Variants in ZNF805 observed in about 807,000 individuals in gnomAD.
The protein encoded by ZNF805 is CTC-444N24.8.
ZNF805 carries 7 observed loss-of-function variants against 13.6 expected under a neutral mutation model. The observed-to-expected ratio is 0.51, with a 90% confidence interval of 0.29 to 0.97. The LOEUF is 0.97. Among genes scored for constraint, ZNF805 ranks in the 50% least tolerant of loss-of-function variants. The pLI, the probability that ZNF805 is intolerant of heterozygous loss-of-function variation, is 0.08. For synonymous variants in ZNF805, 293 were observed against 279.8 expected, an observed-to-expected ratio of 1.05 and a Z score of -0.47; for missense variants, 604 against 771.0, an observed-to-expected ratio of 0.78 and a Z score of 2.57.
intron 3 of ZNF805, among the ~76,000 whole-genome samples, chr19:57,252,107 C>T (rs981321869): frequency 2.6e-5 from 4 of 152,226 alleles, no homozygotes; most frequent in African/African-American, 7.2e-5. Flanking sequence ...ATCACCACCA[C>T]CCTCTCATGC....
chr19:57,257,698 CTTTTTTTTTT>C lies in ZNF805; in HGVS notation c.*3011_*3020del, dbSNP rs869290620. Among the ~76,000 whole-genome samples, 48 of 35,104 alleles carry C rather than the reference CTTTTTTTTTT, an allele frequency of 1.4e-3. No individual in the cohort carries two copies. Among genetic ancestry groups the C allele is most frequent in the African/African-American group, 5.8e-3 (46 of 7,946 alleles). 23.0% of individuals were successfully genotyped at this position (35,104 alleles called of 152,430 possible). On this transcript the variant is annotated 3_prime_UTR_variant, in exon 4 of 4. Coordinates refer to ENST00000414468, the MANE Select transcript of ZNF805 (RefSeq NM_001023563.4). ...GTGGTTTTATATCCAGTTTGCGTAT[CTTTTTTTTTT>C]TTTTTTTTTTTTTTTGAGACGGAGT... is the stretch of plus-strand genomic sequence containing the variant.
At chr19:57,251,548 T>G (rs1219117146) in intron 3 of ZNF805, among the ~76,000 whole-genome samples, 1 of 152,218 alleles carries the variant, frequency 6.6e-6, no homozygotes, top group African/African-American at 2.4e-5. Flanking sequence ...TGCCGGTATA[T>G]TCTTCTAGTT....
chr19:57,243,212 T>C (rs1641792164), intron 1 of ZNF805, among the ~76,000 whole-genome samples: 1 of 152,138 alleles, frequency 6.6e-6, no homozygotes, highest in African/African-American at 2.4e-5. Context: ...TGAGACCCTG[T>C]CTCTGAAACA....
intron 1 of ZNF805, 34 bp downstream of exon 1, chr19:57,240,955 C>G: frequency 6.4e-7 from 1 of 1,554,934 alleles, no homozygotes; most frequent in Non-Finnish European, 8.7e-7. Flanking sequence ...TGCTGCTTTT[C>G]TGCTAGTTCG....
In ZNF805 at chr19:57,259,101, T is replaced by C. The variant is rs1372201743; in HGVS notation, c.*4398T>C. ...TCAAAGTGTTTTGTTTTTTTTGTAG[T>C]GTTCAGAAGTTTGGTTATGAGGTGT... is the stretch of plus-strand genomic sequence containing the variant. On this transcript the variant is annotated 3_prime_UTR_variant, in exon 4 of 4. Coordinates refer to ENST00000414468, the MANE Select transcript of ZNF805 (RefSeq NM_001023563.4). 6.6e-6 allele frequency among the ~76,000 whole-genome samples: 1 copy of C among 152,228 alleles called. No homozygotes were observed. The highest frequency in any genetic ancestry group is 2.4e-5 in the African/African-American group (1 of 41,460).
chr19:57,255,325 T>C lies in ZNF805; in HGVS notation c.*622T>C, dbSNP rs2087681428. 6.6e-6 allele frequency among the ~76,000 whole-genome samples: 1 copy of C among 152,160 alleles called. No homozygotes were observed. Among genetic ancestry groups the C allele is most frequent in the Non-Finnish European group, 1.5e-5 (1 of 67,998 alleles). ...TTTCTTTTTTCTTACTATTTTTATT[T>C]AAAATTCATTTAGCATTCCTAGTTT... On this transcript the variant is annotated 3_prime_UTR_variant, in exon 4 of 4. Transcript: ENST00000414468.
chr19:57,252,833 C>T lies in ZNF805; in HGVS notation c.254-240C>T, dbSNP rs144207151. Among the ~76,000 whole-genome samples the T allele has an allele frequency of 8.5e-5, 13 of 152,200 alleles. No individual in the cohort carries two copies. The South Asian group carries it at 1.7e-3, about 19-fold the overall frequency. On this transcript the variant is annotated intron_variant, in intron 3 of 3. Transcript: ENST00000414468. ...ATAAATATTTAGTCTGGAATTGAAGCGATATCTCCACTCTAGGCCCTGTCC... is the reference window on the plus strand; with the variant it reads ...ATAAATATTTAGTCTGGAATTGAAGTGATATCTCCACTCTAGGCCCTGTCC...
chr19:57,256,399 T>C lies in ZNF805; in HGVS notation c.*1696T>C, dbSNP rs2122847823. 6.6e-6 allele frequency among the ~76,000 whole-genome samples: 1 copy of C among 152,120 alleles called. No homozygotes were observed. The highest frequency in any genetic ancestry group is 2.4e-5 in the African/African-American group (1 of 41,526). ...TTTTTTTGGAAGATCATGTGTAGAA[T>C]TGGTGTTATTTGTTCCTTTAATGTT... is the stretch of plus-strand genomic sequence containing the variant. On this transcript the variant is annotated 3_prime_UTR_variant, in exon 4 of 4. Transcript: ENST00000414468.
At position 57,254,783 on chromosome 19, in the gene ZNF805, C is replaced by T. The variant is rs908498228; in HGVS notation, c.*80C>T. ...TCACGCAGCTTAGAGCCTTATTCTCCATCCGAATTCATCCTGGAAAAACAC... is the reference window on the plus strand; with the variant it reads ...TCACGCAGCTTAGAGCCTTATTCTCTATCCGAATTCATCCTGGAAAAACAC... On this transcript the variant is annotated 3_prime_UTR_variant, in exon 4 of 4. Coordinates refer to ENST00000414468, the MANE Select transcript of ZNF805 (RefSeq NM_001023563.4). 5.8e-6 allele frequency: 8 copies of T among 1,387,422 alleles called. No homozygotes were observed. In the Admixed American group the frequency reaches 1.0e-4, roughly 18 times the overall value. 85.9% of individuals were successfully genotyped at this position (1,387,422 alleles called of 1,614,324 possible).
Position 57,260,291 on chromosome 19 carries a change from C to G in ZNF805, c.*5588C>G, listed in dbSNP as rs953710640. On this transcript the variant is annotated 3_prime_UTR_variant, in exon 4 of 4. Transcript: ENST00000414468. The stretch of plus-strand genomic sequence containing the variant: ...ATAGCTTTAGTCGGATCTCAAGCCT[C>G]GTTTCCAACCTATTTCACCCTTCCT... Among the ~76,000 whole-genome samples the G allele has an allele frequency of 6.6e-6, 1 of 152,194 alleles. No homozygotes were observed. Among genetic ancestry groups the G allele is most frequent in the African/African-American group, 2.4e-5 (1 of 41,442 alleles).
At chr19:57,251,662 G>A (rs1349119121) in intron 3 of ZNF805, among the ~76,000 whole-genome samples, 1 of 151,360 alleles carries the variant, frequency 6.6e-6, no homozygotes, top group African/African-American at 2.4e-5. Context: ...TAATGATTTT[G>A]TACCTTGTGG....
At position 57,260,633 on chromosome 19, in the gene ZNF805, T is replaced by G. The variant is rs1181544396; in HGVS notation, c.*5930T>G. 6.6e-6 allele frequency among the ~76,000 whole-genome samples: 1 copy of G among 152,196 alleles called. No individual in the cohort carries two copies. Among genetic ancestry groups the G allele is most frequent in the Non-Finnish European group, 1.5e-5 (1 of 68,044 alleles). On this transcript the variant is annotated 3_prime_UTR_variant, in exon 4 of 4. Transcript: ENST00000414468. ...CTTTACTTCCCAGCATCCATCATGA[T>G]CATTGCTGTTTTCTAACTTGTCCTT...
chr19:57,254,361 C>T lies in ZNF805; in HGVS notation c.1542C>T (p.Ile514=), dbSNP rs773151548. The part of the protein sequence containing the change: ...IHSGEKPYEC[I]ECGKTFCWST... ...GTGGAGAGAAGCCCTATGAATGCAT[C>T]GAGTGTGGGAAAACATTTTGCTGGA... Residue 514 remains isoleucine, a synonymous_variant, in exon 4 of 4, where the codon ATC becomes ATT. Transcript: ENST00000414468. 20 of 1,613,752 alleles carry T rather than the reference C, an allele frequency of 1.2e-5. No individual in the cohort carries two copies. The highest frequency in any genetic ancestry group is 1.6e-4 in the Middle Eastern group (1 of 6,062).
In ZNF805 at chr19:57,254,196, G is replaced by T; in HGVS notation, c.1377G>T (p.Glu459Asp). 6.2e-7 allele frequency: 1 copy of T among 1,612,536 alleles called. No homozygotes were observed. The highest frequency in any genetic ancestry group is 8.5e-7 in the Non-Finnish European group (1 of 1,179,676). ...HTGEKPFECKECGKAFSNRAD... is the reference protein window; with the variant it reads ...HTGEKPFECKDCGKAFSNRAD... ...GAGAAAAACCTTTCGAGTGCAAAGA[G>T]TGTGGGAAAGCCTTTAGCAATAGGG... The change falls in exon 4 of 4, where the codon GAG (glutamate) becomes GAT (aspartate). Residue 459 changes from glutamate (E) to aspartate (D), a missense_variant. Transcript: ENST00000414468.
At position 57,261,377 on chromosome 19, in the gene ZNF805, G is replaced by T. The variant is rs1397287269; in HGVS notation, c.*6674G>T. The T allele has an allele frequency of 2.4e-5, 4 of 166,070 alleles. No homozygotes were observed. The highest frequency in any genetic ancestry group is 9.7e-5 in the African/African-American group (4 of 41,392). 10.3% of individuals were successfully genotyped at this position (166,070 alleles called of 1,614,324 possible). A position where few individuals can be genotyped will look rare whatever the true frequency, so the allele number is the denominator to read the frequency against. On this transcript the variant is annotated 3_prime_UTR_variant, in exon 4 of 4. Transcript: ENST00000414468. ...GGCTAAGGCATGCATGTTGTTTTAG[G>T]TGTGTTTGAGATGCCTGAAGAACAT...
chr19:57,253,073 G>T lies in ZNF805; in HGVS notation c.254G>T (p.Gly85Val). Residue 85 changes from glycine to valine, a missense_variant and splice_region_variant, in exon 4 of 4, where the codon GGT (glycine) becomes GTT (valine). This residue lies in a region of ZNF805 where 327 missense variants were observed against 378.2 expected (regional missense o/e 0.86). Coordinates refer to ENST00000414468, the MANE Select transcript of ZNF805 (RefSeq NM_001023563.4). The surrounding 1 kb of genome is among the most constrained non-coding windows in gnomAD (Gnocchi z 4.4). ...CTTCTGTGTGTTGGATTTCTTTCAG[G>T]TGACAAAGGAAAACCCAAGAGCACA... ...KEDLSQGTCP[G>V]DKGKPKSTEP... 7.0e-7 allele frequency: 1 copy of T among 1,433,158 alleles called. No individual in the cohort carries two copies. Among genetic ancestry groups the T allele is most frequent in the Non-Finnish European group, 9.2e-7 (1 of 1,090,962 alleles). 88.8% of individuals were successfully genotyped at this position (1,433,158 alleles called of 1,614,324 possible).
rs2087714020 is a variant in ZNF805 at position 57,259,969 on chromosome 19, A to C, written c.*5266A>C. ...TATCTGGAGGAGTAGAAGTCCTGTA[A>C]TCTTTTATATTGGGCTTCTTAAATA... is the stretch of plus-strand genomic sequence containing the variant. On this transcript the variant is annotated 3_prime_UTR_variant, in exon 4 of 4. Transcript: ENST00000414468. Among the ~76,000 whole-genome samples, 1 of 152,178 alleles carries C rather than the reference A, an allele frequency of 6.6e-6. No homozygotes were observed. Among genetic ancestry groups the C allele is most frequent in the African/African-American group, 2.4e-5 (1 of 41,440 alleles).
In ZNF805 at chr19:57,255,350, T is replaced by A. The variant is rs1178300494; in HGVS notation, c.*647T>A. ...TAAAATTCATTTAGCATTCCTAGTT[T>A]GACTTTCCATATACACTTTAGGATT... On this transcript the variant is annotated 3_prime_UTR_variant, in exon 4 of 4. Coordinates refer to ENST00000414468, the MANE Select transcript of ZNF805 (RefSeq NM_001023563.4). Among the ~76,000 whole-genome samples, 4 of 152,156 alleles carry A rather than the reference T, an allele frequency of 2.6e-5. No individual in the cohort carries two copies. In the South Asian group the frequency reaches 8.3e-4, roughly 31 times the overall value.
At chr19:57,244,770 C>A (rs778793846) in intron 2 of ZNF805, among the ~76,000 whole-genome samples, 1 of 152,200 alleles carries the variant, frequency 6.6e-6, no homozygotes, top group African/African-American at 2.4e-5. Flanking sequence ...TCAGCGAGTT[C>A]AGGGGAAGAG....
Sources: allele counts gnomAD v4.1 joint callset (sites outside exome capture counted in the v4.1 genomes callset), GRCh38; gene constraint gnomAD v4.1.1; regional missense constraint gnomAD v4.1.1; non-coding constraint Gnocchi (gnomAD v3.1); transcripts MANE v1.5; gene names NCBI Gene and HGNC (gene_info 2026-07-23, HGNC 2026-07-21).